EZR: variants seen among roughly 807,000 people sequenced by gnomAD.
The protein encoded by EZR is ezrin.
In EZR, 40 loss-of-function variants were observed where a neutral mutation model predicts 74.8. The observed-to-expected ratio is 0.53, with a 90% CI of 0.42 to 0.70. The LOEUF (loss-of-function observed/expected upper bound fraction) is 0.70, where lower values mean the gene tolerates loss of function less well. EZR is among the 30% of genes least tolerant of loss of function. The pLI is 0.00. For synonymous variants in EZR, 341 were observed against 283.3 expected (o/e 1.20, Z -2.05); for missense variants, 678 against 755.8 (o/e 0.90, Z 1.21).
rs762440155 is a variant in EZR, at chr6:158,767,451, G to A, written c.1406C>T (p.Ala469Val). The A allele has an allele frequency of 1.9e-6, 3 of 1,612,292 alleles. No homozygotes were observed. The highest frequency in any genetic ancestry group is 2.5e-6 in the Non-Finnish European group (3 of 1,178,860). Residue 469 changes from alanine (A) to valine (V), a missense_variant, in exon 13 of 14, where the codon GCA becomes GTA. By Grantham distance (64) the Ala-to-Val change is moderately conservative. This residue lies in a region of EZR where 342 missense variants were observed against 341.2 expected (regional missense o/e 1.00). Transcript: ENST00000367075. ...CACGGGGGGTGGTGGGGGCGGGGGTGCTGTCATCACCAGGTGCAGCTCCTC... is the reference window on the plus strand; with the variant it reads ...CACGGGGGGTGGTGGGGGCGGGGGTACTGTCATCACCAGGTGCAGCTCCTC... ...TKEELHLVMT[A>V]PPPPPPPVYE...
chr6:158,814,878 AT>A (rs1730916070), intron 2 of EZR, among the ~76,000 whole-genome samples: 1 of 152,148 alleles, frequency 6.6e-6, no homozygotes, highest in Non-Finnish European at 1.5e-5. Flanking sequence ...GGGAAACAGT[AT>A]TAGGAGAAAA....
intron 8 of EZR, among the ~76,000 whole-genome samples, chr6:158,773,704 G>T (rs1346892673): frequency 1.3e-5 from 2 of 152,258 alleles, no homozygotes; most frequent in African/African-American, 4.8e-5. Context: ...GGAGGCAGCC[G>T]CGGGAGGCAA....
intron 3 of EZR, 90 bp from the exon 4 acceptor site, chr6:158,787,293 A>T: frequency 9.7e-7 from 1 of 1,026,592 alleles, no homozygotes; most frequent in South Asian, 1.4e-5. Flanking sequence ...ATGGTCTAGC[A>T]GAGTCCCCAG....
intron 2 of EZR, among the ~76,000 whole-genome samples, chr6:158,797,730 T>C (rs1330496998): frequency 6.6e-6 from 1 of 152,248 alleles, no homozygotes; most frequent in East Asian, 1.9e-4. Context: ...ATTAAAAACT[T>C]TGCAGCTATT....
intron 1 of EZR, among the ~76,000 whole-genome samples, 175 bp downstream of exon 1, chr6:158,819,142 G>T (rs1441985780): frequency 6.6e-6 from 1 of 151,858 alleles, no homozygotes; most frequent in Non-Finnish European, 1.5e-5. Flanking sequence ...GAAGGTCGCG[G>T]GGCCGCGGGC....
Position 158,766,178 on chromosome 6 carries a change from G to T in EZR, c.*736C>A, listed in dbSNP as rs1241665855. The T allele has an allele frequency of 2.0e-5, 3 of 151,798 alleles. No homozygotes were observed. Among genetic ancestry groups the T allele is most frequent in the Non-Finnish European group, 2.9e-5 (2 of 67,956 alleles). 9.4% of individuals were successfully genotyped at this position (151,798 alleles called of 1,614,324 possible). ...TCTGTAAAAGGTAACAAAATATACA[G>T]AACAAAACTTTCCCTTTTTAAAACT... On this transcript the variant is annotated 3_prime_UTR_variant, in exon 14 of 14. Transcript: ENST00000367075.
intron 2 of EZR, among the ~76,000 whole-genome samples, chr6:158,804,767 T>G (rs55671840): frequency 0.023 from 3,389 of 150,456 alleles, 69 homozygotes; most frequent in Non-Finnish European, 0.033. Flanking sequence ...TTTTTTCTTA[T>G]TTTTTTTTAT....
At chr6:158,815,393 A>ACCCTC in intron 2 of EZR, among the ~76,000 whole-genome samples, 1 of 152,222 alleles carries the variant, frequency 6.6e-6, no homozygotes. Context: ...TATCTCTAAG[A>ACCCTC]CCCTCCTCTG....
chr6:158,769,303 A>C, intron 12 of EZR, 23 bp downstream of exon 12: 1 of 1,602,030 alleles, frequency 6.2e-7, no homozygotes, highest in Non-Finnish European at 8.5e-7. Context: ...GGCCGTGCGG[A>C]GGTGTCCCCC....
At chr6:158,775,034 CTTTTTTTTT>C (rs397732491) in intron 8 of EZR, among the ~76,000 whole-genome samples, 1 of 121,550 alleles carries the variant, frequency 8.2e-6, no homozygotes, top group Non-Finnish European at 1.6e-5. Flanking sequence ...AGCAGGAGCC[CTTTTTTTTT>C]TTTTTTTTTG....
intron 11 of EZR, among the ~76,000 whole-genome samples, 175 bp downstream of exon 11, chr6:158,769,609 C>T (rs1484000177): frequency 6.6e-6 from 1 of 152,204 alleles, no homozygotes; most frequent in East Asian, 1.9e-4. Flanking sequence ...CACCCACCTT[C>T]AATGGGTGAC....
intron 4 of EZR, among the ~76,000 whole-genome samples, 164 bp downstream of exon 4, chr6:158,786,944 A>G (rs185755351): frequency 1.3e-5 from 2 of 152,254 alleles, no homozygotes; most frequent in African/African-American, 2.4e-5. Context: ...TTTCCAATCG[A>G]TATCTCCATT....
chr6:158,767,049 T>C lies in EZR; in HGVS notation c.1626A>G (p.Arg542=). The C allele has an allele frequency of 6.2e-7, 1 of 1,614,196 alleles. No homozygotes were observed. The highest frequency in any genetic ancestry group is 8.5e-7 in the Non-Finnish European group (1 of 1,180,034). ...LTLSSELSQA[R]DENKRTHNDI... ...CATTGTGGGTCCTCTTATTCTCATC[T>C]CGGGCCTGGGACAGCTCGCTGCTCA... The change falls in exon 14 of 14, where the codon CGA becomes CGG. Residue 542 remains arginine (R), a synonymous_variant. Coordinates refer to ENST00000367075, the MANE Select transcript of EZR (RefSeq NM_001111077.2).
At position 158,793,181 on chromosome 6, in the gene EZR, T is replaced by G. The variant is rs922494757; in HGVS notation, c.13-3810A>C. On this transcript the variant is annotated intron_variant, in intron 2 of 13. Coordinates refer to ENST00000367075, the MANE Select transcript of EZR (RefSeq NM_001111077.2). ...CTACAAAAAATCATTCAGGCTGGAG[T>G]GCAGTGAGCTATGATCGAGCCACTG... Among the ~76,000 whole-genome samples, 34 of 121,158 alleles carry G rather than the reference T, an allele frequency of 2.8e-4. No homozygotes were observed. The Admixed American group carries it at 3.1e-3, about 11-fold the overall frequency. 79.5% of individuals were successfully genotyped at this position (121,158 alleles called of 152,430 possible).
rs146440883 is a variant in EZR, at chr6:158,766,935, G to A, written c.1740C>T (p.Ile580=). Residue 580 remains isoleucine, a synonymous_variant, in exon 14 of 14, where the codon ATC becomes ATT. Coordinates refer to ENST00000367075, the MANE Select transcript of EZR (RefSeq NM_001111077.2). ...QIRQGNTKQR[I]DEFEAL ...GCTGTTACAGGGCCTCGAACTCGTC[G>A]ATGCGCTGCTTGGTGTTGCCCTGCC... 1.5e-4 allele frequency: 235 copies of A among 1,614,140 alleles called. No individual in the cohort carries two copies. In the African/African-American group the frequency reaches 1.7e-3, roughly 12 times the overall value.
intron 2 of EZR, among the ~76,000 whole-genome samples, chr6:158,798,818 G>A (rs1197445143): frequency 6.6e-6 from 1 of 151,736 alleles, no homozygotes; most frequent in Non-Finnish European, 1.5e-5. Flanking sequence ...TTGTAGAGAT[G>A]GAGTTTCACC....
intron 8 of EZR, among the ~76,000 whole-genome samples, chr6:158,774,503 A>G (rs1307035400): frequency 6.6e-6 from 1 of 152,002 alleles, no homozygotes; most frequent in Admixed American, 6.6e-5. Context: ...GCCCTGGAAG[A>G]GTGCCTGGGA....
intron 2 of EZR, among the ~76,000 whole-genome samples, chr6:158,799,368 G>A (rs1310921598): frequency 6.6e-6 from 1 of 152,198 alleles, no homozygotes; most frequent in Non-Finnish European, 1.5e-5. Context: ...GCGGCAGGGG[G>A]CAGAACCTGC....
rs1215834673 is a variant in EZR at position 158,766,449 on chromosome 6, T to A, written c.*465A>T. The A allele has an allele frequency of 6.5e-6, 1 of 154,308 alleles. No homozygotes were observed. Among genetic ancestry groups the A allele is most frequent in the East Asian group, 1.9e-4 (1 of 5,212 alleles). The allele number at this position is 154,308 out of a possible 1,614,324, so 9.6% of individuals were successfully genotyped here. A position where few individuals can be genotyped will look rare whatever the true frequency, so the allele number is the denominator to read the frequency against. ...CTTCAGACTCAATTTCCAAAATAAT[T>A]TTCACCCCTCTAAGCATGTAAATAT... On this transcript the variant is annotated 3_prime_UTR_variant, in exon 14 of 14. Coordinates refer to ENST00000367075, the MANE Select transcript of EZR (RefSeq NM_001111077.2).
Sources: allele counts gnomAD v4.1 joint callset (sites outside exome capture counted in the v4.1 genomes callset), GRCh38; gene constraint gnomAD v4.1.1; regional missense constraint gnomAD v4.1.1; transcripts MANE v1.5; gene names NCBI Gene and HGNC (gene_info 2026-07-23, HGNC 2026-07-21).